RASSF3: variants seen among roughly 807,000 people sequenced by gnomAD.
The protein encoded by RASSF3 is ras association domain-containing protein 3.
Under a neutral mutation model 19.9 loss-of-function variants are expected in RASSF3, and 19 were observed. That is an observed-to-expected ratio of 0.96 (90% CI 0.67 to 1.40). The LOEUF is 1.40. Ranked by LOEUF, RASSF3 falls within the 40% of genes most tolerant of loss-of-function variation. The pLI is 0.00. For synonymous variants in RASSF3, 110 were observed against 104.2 expected, an observed-to-expected ratio of 1.06 and a Z score of -0.34; for missense variants, 306 against 289.8, an observed-to-expected ratio of 1.06 and a Z score of -0.41.
At chr12:64,545,625 T>A (rs1441023611), downstream of RASSF3, among the ~76,000 whole-genome samples, 1 of 152,140 alleles carries the variant, frequency 6.6e-6, no homozygotes, top group African/African-American at 2.4e-5. Context: ...GAGAATCCCC[T>A]CATTTAAGAA....
intron 2 of RASSF3, among the ~76,000 whole-genome samples, chr12:64,569,452 T>C (rs910004827): frequency 3.3e-5 from 5 of 152,136 alleles, no homozygotes; most frequent in African/African-American, 1.2e-4. Flanking sequence ...GTTGGCCCCT[T>C]CCCACCTGGC....
At chr12:64,694,656 G>T (rs1362066222) in intron 4 of RASSF3, 107 bp from the exon 5 acceptor site, 2 of 1,237,116 alleles carry the variant, frequency 1.6e-6, no homozygotes, top group Non-Finnish European at 2.3e-6. Flanking sequence ...CTGCGGCATG[G>T]GGCTGGGAGG....
At chr12:64,673,969 A>C (rs1177726786) in intron 1 of RASSF3, among the ~76,000 whole-genome samples, 1 of 151,950 alleles carries the variant, frequency 6.6e-6, no homozygotes, top group South Asian at 2.1e-4. Context: ...GTACAACCAT[A>C]TAGGGTATGG....
intron 1 of RASSF3, among the ~76,000 whole-genome samples, chr12:64,647,804 C>T (rs1871794583): frequency 6.6e-6 from 1 of 152,170 alleles, no homozygotes; most frequent in Admixed American, 6.5e-5. Flanking sequence ...CCCATCTCAG[C>T]CTCCCAAAGT....
At chr12:64,516,402 G>A (rs1383708052) in intron 1 of RASSF3, among the ~76,000 whole-genome samples, 6 of 147,052 alleles carry the variant, frequency 4.1e-5, no homozygotes, top group Non-Finnish European at 9.0e-5. Context: ...GGCGGATCAC[G>A]AGGTCAGGAG....
In RASSF3 at chr12:64,579,346, C is replaced by CTTTTT. The variant is rs1265939630; in HGVS notation, c.294+37656_294+37660dup. ...GGGAATTATTAGCAATAGCCAAGTT[C>CTTTTT]TTTTTTTTTTTTTTTTTTTGAGACG... is the stretch of plus-strand genomic sequence containing the variant. On this transcript the variant is annotated intron_variant, in intron 2 of 5. Coordinates refer to the RASSF3 transcript ENST00000637125. Among the ~76,000 whole-genome samples, 60 of 117,052 alleles carry CTTTTT rather than the reference C, an allele frequency of 5.1e-4. 3 individuals are homozygous for CTTTTT. Among genetic ancestry groups the CTTTTT allele is most frequent in the African/African-American group, 1.8e-3 (54 of 30,630 alleles). 76.8% of individuals were successfully genotyped at this position (117,052 alleles called of 152,430 possible).
At chr12:64,600,567 G>GT (rs894481323) in intron 2 of RASSF3, among the ~76,000 whole-genome samples, 1 of 151,774 alleles carries the variant, frequency 6.6e-6, no homozygotes, top group East Asian at 1.9e-4. Context: ...TTTGGATTTT[G>GT]TTTTTTTTCT....
Position 64,610,573 on chromosome 12 carries a change from A to T in RASSF3, c.-60A>T. On this transcript the variant is annotated 5_prime_UTR_variant, in exon 1 of 5. Coordinates refer to ENST00000542104, the MANE Select transcript of RASSF3 (RefSeq NM_178169.4). ...ACCTCGCGGGGCTGGCGGGCGCCGC[A>T]CCCCCTCCCTGGCCGCCTGCGCCCC... 1.1e-6 allele frequency: 1 copy of T among 941,700 alleles called. No homozygotes were observed. Among genetic ancestry groups the T allele is most frequent in the Non-Finnish European group, 1.4e-6 (1 of 706,882 alleles). The allele number at this position is 941,700 out of a possible 1,614,324, so 58.3% of individuals were successfully genotyped here. A position where few individuals can be genotyped will look rare whatever the true frequency, so the allele number is the denominator to read the frequency against.
chr12:64,683,218 C>T (rs1873202711), intron 1 of RASSF3, among the ~76,000 whole-genome samples: 2 of 152,104 alleles, frequency 1.3e-5, no homozygotes, highest in African/African-American at 4.8e-5. Context: ...CATTTTTTTT[C>T]AGCAGTTTAA....
intron 2 of RASSF3, among the ~76,000 whole-genome samples, chr12:64,552,530 C>T (rs989637556): frequency 1.3e-5 from 2 of 152,128 alleles, no homozygotes; most frequent in African/African-American, 4.8e-5. Flanking sequence ...CCTCCCGCTA[C>T]CCCACCTCCT....
intron 2 of RASSF3, among the ~76,000 whole-genome samples, chr12:64,569,136 G>A (rs2136129306): frequency 6.6e-6 from 1 of 152,344 alleles, no homozygotes; most frequent in Non-Finnish European, 1.5e-5. Flanking sequence ...GCTGGGCCAA[G>A]TGTAAACCCA....
chr12:64,516,436 G>T (rs1053656709), intron 1 of RASSF3, among the ~76,000 whole-genome samples: 1 of 149,788 alleles, frequency 6.7e-6, no homozygotes, highest in Non-Finnish European at 1.5e-5. Context: ...CGACTAGAAC[G>T]GTGAAACCCC....
chr12:64,601,300 T>C (rs374795620), intron 2 of RASSF3, among the ~76,000 whole-genome samples: 12 of 152,170 alleles, frequency 7.9e-5, no homozygotes, highest in African/African-American at 2.9e-4. Context: ...AAATATGTAA[T>C]AAAAAATTTA....
downstream of RASSF3, among the ~76,000 whole-genome samples, chr12:64,545,018 AC>A (rs1181027882): frequency 6.6e-6 from 1 of 152,242 alleles, no homozygotes; most frequent in East Asian, 1.9e-4. Context: ...AAGGGCATGA[AC>A]AATAGCTTTT....
At chr12:64,592,814 A>AT (rs1869945502) in intron 2 of RASSF3, among the ~76,000 whole-genome samples, 1 of 151,528 alleles carries the variant, frequency 6.6e-6, no homozygotes, top group African/African-American at 2.4e-5. Context: ...TTTTTATTTT[A>AT]TTTTATTTTA....
intron 1 of RASSF3, among the ~76,000 whole-genome samples, chr12:64,623,364 T>A (rs144269017): frequency 9.0e-4 from 137 of 152,306 alleles, no homozygotes; most frequent in African/African-American, 3.1e-3. Context: ...TCAGAGGAAC[T>A]CTGAGATGAG....
intron 2 of RASSF3, among the ~76,000 whole-genome samples, chr12:64,583,041 T>C (rs1869730125): frequency 1.3e-5 from 2 of 152,060 alleles, no homozygotes; most frequent in South Asian, 4.2e-4. Context: ...TACCTTTTGT[T>C]CTCTTGCAAG....
chr12:64,520,219 AGTGCAGTG>A (rs1393873486), intron 1 of RASSF3, among the ~76,000 whole-genome samples: 1 of 142,300 alleles, frequency 7.0e-6, no homozygotes, highest in African/African-American at 2.6e-5. Context: ...CCCAGGCTGG[AGTGCAGTG>A]GTGCAATCTC....
At chr12:64,680,037 T>C (rs1387135468) in intron 1 of RASSF3, among the ~76,000 whole-genome samples, 2 of 152,164 alleles carry the variant, frequency 1.3e-5, no homozygotes, top group Admixed American at 1.3e-4. Flanking sequence ...TCTTTCTTGC[T>C]CTCACCCCTT....
Sources: allele counts gnomAD v4.1 joint callset (sites outside exome capture counted in the v4.1 genomes callset), GRCh38; gene constraint gnomAD v4.1.1; transcripts MANE v1.5; gene names NCBI Gene and HGNC (gene_info 2026-07-23, HGNC 2026-07-21).